MDGA2: variants seen among roughly 807,000 people sequenced by gnomAD.
MDGA2 encodes MAM domain containing glycosylphosphatidylinositol anchor 2.
MDGA2 carries 40 observed loss-of-function variants against 117.8 expected under a neutral mutation model. That is an observed-to-expected ratio of 0.34 (90% CI 0.26 to 0.44). MDGA2 has a LOEUF of 0.44. Among genes scored for constraint, MDGA2 ranks in the 20% least tolerant of loss-of-function variants. The pLI, the probability that MDGA2 is intolerant of heterozygous loss-of-function variation, is 1.00. For missense variants in MDGA2, 1,123 were observed against 1,250.6 expected (o/e 0.90, Z 1.54); for synonymous variants, 452 against 439.0 (o/e 1.03, Z -0.37).
intron 1 of MDGA2, among the ~76,000 whole-genome samples, chr14:47,559,686 C>T (rs1040477871): frequency 1.3e-5 from 2 of 151,882 alleles, no homozygotes; most frequent in African/African-American, 2.4e-5. Flanking sequence ...AATTCTCCTA[C>T]CTCAGCCTCC....
At position 46,845,811 on chromosome 14, in the gene MDGA2, A is replaced by T. The variant is rs1880815382; in HGVS notation, c.2944T>A (p.Ser982Thr). ...TTTGCACATTCTCCTTCTGCAATTG[A>T]TACATCATCAATAGCAATGTCACCT... ...IEGDIAIDDV[S>T]IAEGECAKQD... The change falls in exon 16 of 17, where the codon TCA (serine) becomes ACA (threonine). Residue 982 changes from serine (S) to threonine (T), a missense_variant. Transcript: ENST00000399232. 6.2e-7 allele frequency: 1 copy of T among 1,613,410 alleles called. No individual in the cohort carries two copies.
chr14:47,071,310 C>G (rs1890272703), intron 6 of MDGA2, among the ~76,000 whole-genome samples: 1 of 152,030 alleles, frequency 6.6e-6, no homozygotes. Context: ...TAATGCCCTG[C>G]AGGTATAGAG....
intron 1 of MDGA2, among the ~76,000 whole-genome samples, chr14:47,552,107 C>A: frequency 6.6e-6 from 1 of 152,162 alleles, no homozygotes; most frequent in East Asian, 1.9e-4. Flanking sequence ...CTTGCCATTT[C>A]ATATTACCCT....
At chr14:46,895,489 G>A (rs1222681580) in intron 10 of MDGA2, among the ~76,000 whole-genome samples, 2 of 152,136 alleles carry the variant, frequency 1.3e-5, no homozygotes, top group Admixed American at 6.5e-5. Context: ...ACTTTGGGAG[G>A]CCGAGGCGGG....
chr14:47,105,248 G>A (rs147626595), intron 5 of MDGA2, among the ~76,000 whole-genome samples: 31,918 of 151,744 alleles, frequency 0.21, 3,635 homozygotes, highest in East Asian at 0.48. Context: ...GCTTATTTCC[G>A]CACCCCAACC....
At chr14:47,003,258 C>T (rs1426388580) in intron 8 of MDGA2, among the ~76,000 whole-genome samples, 2 of 151,924 alleles carry the variant, frequency 1.3e-5, no homozygotes, top group Non-Finnish European at 2.9e-5. Flanking sequence ...ACCAAAGATG[C>T]TATGTACCTT....
At chr14:47,104,666 G>A (rs1227371120) in intron 5 of MDGA2, among the ~76,000 whole-genome samples, 2 of 152,140 alleles carry the variant, frequency 1.3e-5, no homozygotes, top group East Asian at 1.9e-4. Context: ...CTCTTCACAC[G>A]GACGTGCATG....
At chr14:47,098,331 T>G (rs959084123) in intron 5 of MDGA2, among the ~76,000 whole-genome samples, 1 of 150,026 alleles carries the variant, frequency 6.7e-6, no homozygotes, top group Admixed American at 6.7e-5. Context: ...GGGAAAGACA[T>G]GAAGTGCCTG....
intron 2 of MDGA2, among the ~76,000 whole-genome samples, chr14:47,289,171 A>AT (rs1888790022): frequency 6.6e-6 from 1 of 151,962 alleles, no homozygotes; most frequent in Non-Finnish European, 1.5e-5. Flanking sequence ...GGCATCTTTA[A>AT]TGTGCTAACC....
rs1885031300 is a variant in MDGA2, at chr14:46,942,437, C to G, written c.2089+14937G>C. Among the ~76,000 whole-genome samples, 7 of 152,122 alleles carry G rather than the reference C, an allele frequency of 4.6e-5. No homozygotes were observed. The South Asian group carries it at 1.4e-3, about 31-fold the overall frequency. On this transcript the variant is annotated intron_variant, in intron 9 of 16. Coordinates refer to ENST00000399232, the MANE Select transcript of MDGA2 (RefSeq NM_001113498.3). ...GATATAATTTACATATAATAAACTT[C>G]ATAAATTTTAAATGTGATTATTGAT...
intron 1 of MDGA2, among the ~76,000 whole-genome samples, chr14:47,318,555 C>T (rs1889878545): frequency 6.6e-6 from 1 of 152,124 alleles, no homozygotes; most frequent in South Asian, 2.1e-4. Flanking sequence ...CAGTTTTACA[C>T]ACATATCTGT....
chr14:47,137,401 C>T (rs1033238894), intron 4 of MDGA2, among the ~76,000 whole-genome samples: 7 of 152,014 alleles, frequency 4.6e-5, no homozygotes, highest in South Asian at 4.1e-4. Flanking sequence ...CTGGGTCATG[C>T]GGGCAGACCC....
intron 6 of MDGA2, among the ~76,000 whole-genome samples, chr14:47,067,277 A>G (rs1253903871): frequency 2.0e-5 from 3 of 152,196 alleles, no homozygotes; most frequent in Non-Finnish European, 1.5e-5. Flanking sequence ...ACCAAGGGGG[A>G]ACATCTCTGA....
intron 1 of MDGA2, among the ~76,000 whole-genome samples, chr14:47,556,698 G>A (rs185459997): frequency 2.0e-5 from 3 of 152,292 alleles, no homozygotes; most frequent in Admixed American, 2.0e-4. Context: ...AATTATCTGA[G>A]TTTAAAATGA....
intron 8 of MDGA2, among the ~76,000 whole-genome samples, chr14:47,002,856 A>G (rs1378552720): frequency 1.3e-5 from 2 of 152,176 alleles, no homozygotes; most frequent in East Asian, 1.9e-4. Flanking sequence ...GACAAAAAAT[A>G]AACTACACAT....
At chr14:47,318,420 T>TA (rs1182312696) in intron 1 of MDGA2, among the ~76,000 whole-genome samples, 1 of 152,080 alleles carries the variant, frequency 6.6e-6, no homozygotes, top group Admixed American at 6.6e-5. Context: ...ATTGCTTACC[T>TA]AAAACTCAGC....
chr14:47,104,431 G>A (rs1880522252), intron 5 of MDGA2, among the ~76,000 whole-genome samples: 1 of 120,252 alleles, frequency 8.3e-6, no homozygotes, highest in Non-Finnish European at 1.7e-5. Context: ...CACCCCCACT[G>A]AGCACCTTGT....
At chr14:47,662,363 T>G (rs10129750) in intron 1 of MDGA2, among the ~76,000 whole-genome samples, 46,913 of 151,866 alleles carry the variant, frequency 0.31, 8,126 homozygotes, top group East Asian at 0.62. Flanking sequence ...TATACAAACA[T>G]ATATTTGTAT....
intron 1 of MDGA2, among the ~76,000 whole-genome samples, chr14:47,522,212 G>T (rs1304765038): frequency 1.3e-5 from 2 of 151,892 alleles, no homozygotes; most frequent in African/African-American, 4.8e-5. Context: ...TTTTTCTCTT[G>T]CAATAGAAAT....
Sources: gnomAD v4.1 joint callset for allele counts (sites outside exome capture counted in the v4.1 genomes callset) on GRCh38, gnomAD v4.1.1 for gene constraint, MANE v1.5 for transcripts, NCBI Gene and HGNC (gene_info 2026-07-23, HGNC 2026-07-21) for gene names.